CACNA2D3: variants seen among roughly 807,000 people sequenced by gnomAD.
CACNA2D3 encodes the protein voltage-dependent calcium channel subunit alpha-2/delta-3.
CACNA2D3 carries 60 observed loss-of-function variants against 160.6 expected under a neutral mutation model. The observed-to-expected ratio is 0.37, with a 90% confidence interval of 0.30 to 0.46. The LOEUF (loss-of-function observed/expected upper bound fraction) is 0.46, where lower values mean the gene tolerates loss of function less well. Ranked by LOEUF, CACNA2D3 falls within the 20% of genes least tolerant of loss-of-function variation. The pLI is 1.00. For missense variants in CACNA2D3, 1,205 were observed against 1,365.0 expected (o/e 0.88, Z 1.85); for synonymous variants, 558 against 492.9 (o/e 1.13, Z -1.75).
At chr3:54,381,152 C>G (rs1021467775) in intron 3 of CACNA2D3, among the ~76,000 whole-genome samples, 1 of 152,148 alleles carries the variant, frequency 6.6e-6, no homozygotes, top group Non-Finnish European at 1.5e-5. Context: ...AATTCCAACA[C>G]CCCATTTTAA....
intron 31 of CACNA2D3, among the ~76,000 whole-genome samples, chr3:54,997,424 C>T (rs549166524): frequency 7.2e-5 from 11 of 152,086 alleles, no homozygotes; most frequent in South Asian, 6.2e-4. Flanking sequence ...TACTTTGGCC[C>T]GGCTCAGTGA....
chr3:54,338,517 AT>A (rs1559454162), intron 3 of CACNA2D3, among the ~76,000 whole-genome samples: 1 of 98,364 alleles, frequency 1.0e-5, no homozygotes, highest in African/African-American at 3.8e-5. Flanking sequence ...GTGTGTATCT[AT>A]TTGGGTTAGG....
At chr3:54,988,281 C>T (rs1438349382) in intron 31 of CACNA2D3, among the ~76,000 whole-genome samples, 1 of 152,104 alleles carries the variant, frequency 6.6e-6, no homozygotes, top group Non-Finnish European at 1.5e-5. Context: ...TGCCAAATTC[C>T]ACAGGTGGCA....
chr3:54,691,526 A>G (rs1391485685), intron 11 of CACNA2D3, among the ~76,000 whole-genome samples: 3 of 152,208 alleles, frequency 2.0e-5, no homozygotes, highest in Admixed American at 1.3e-4. Flanking sequence ...TATTTAAATC[A>G]CTTGCCTAGA....
intron 14 of CACNA2D3, among the ~76,000 whole-genome samples, chr3:54,823,684 A>C (rs1173313348): frequency 2.6e-5 from 4 of 152,214 alleles, no homozygotes; most frequent in Non-Finnish European, 4.4e-5. Flanking sequence ...ATGTAAGAAA[A>C]TACATCATTT....
chr3:54,795,584 C>A (rs1375371126), intron 13 of CACNA2D3, among the ~76,000 whole-genome samples: 2 of 152,138 alleles, frequency 1.3e-5, no homozygotes, highest in East Asian at 3.9e-4. Flanking sequence ...CCTTAAAAAG[C>A]TTGTTTCTAA....
intron 9 of CACNA2D3, among the ~76,000 whole-genome samples, chr3:54,618,795 C>T (rs987819724): frequency 2.6e-5 from 4 of 152,210 alleles, no homozygotes; most frequent in East Asian, 3.9e-4. Flanking sequence ...CAGACGAGTG[C>T]GCTGGCACCC....
At chr3:54,675,452 T>C (rs1248991969) in intron 11 of CACNA2D3, among the ~76,000 whole-genome samples, 1 of 152,150 alleles carries the variant, frequency 6.6e-6, no homozygotes, top group Non-Finnish European at 1.5e-5. Context: ...CCTGACCTTT[T>C]CTGTTGACAG....
At chr3:54,834,786 G>A (rs554016220) in intron 14 of CACNA2D3, among the ~76,000 whole-genome samples, 1 of 152,326 alleles carries the variant, frequency 6.6e-6, no homozygotes, top group South Asian at 2.1e-4. Flanking sequence ...TTACACAATT[G>A]TGGGGCTGGC....
chr3:54,824,223 A>G (rs77558817), intron 14 of CACNA2D3, among the ~76,000 whole-genome samples: 1 of 152,228 alleles, frequency 6.6e-6, no homozygotes, highest in Non-Finnish European at 1.5e-5. Context: ...GCGATCTACC[A>G]ATCTTTAATC....
At chr3:54,922,366 A>G (rs1482699938) in intron 27 of CACNA2D3, among the ~76,000 whole-genome samples, 2 of 148,438 alleles carry the variant, frequency 1.3e-5, no homozygotes, top group Non-Finnish European at 3.0e-5. Context: ...AATGAAAACT[A>G]TCTTTCTGTG....
intron 12 of CACNA2D3, among the ~76,000 whole-genome samples, chr3:54,758,292 A>T (rs905990246): frequency 6.6e-6 from 1 of 152,024 alleles, no homozygotes; most frequent in East Asian, 1.9e-4. Context: ...TATTTTTAAC[A>T]TGGAGTTAGA....
rs542016254 is a variant in CACNA2D3 at position 54,376,157 on chromosome 3, C to G, written c.322-10558C>G. ...AGCCTAGCTCAACACCCTTGCCTAT[C>G]TGAGTCCCACTTGCCTGCCCTTTTG... On this transcript the variant is annotated intron_variant, in intron 3 of 37. Transcript: ENST00000474759. 2.0e-4 allele frequency among the ~76,000 whole-genome samples: 30 copies of G among 152,320 alleles called. 1 individual carries two copies. The South Asian group carries it at 6.0e-3, about 31-fold the overall frequency.
At chr3:55,049,247 T>C (rs1218591296) in intron 35 of CACNA2D3, among the ~76,000 whole-genome samples, 1 of 149,524 alleles carries the variant, frequency 6.7e-6, no homozygotes, top group Non-Finnish European at 1.5e-5. Context: ...TTTAGTGCTA[T>C]AAATTTCCCT....
intron 14 of CACNA2D3, among the ~76,000 whole-genome samples, chr3:54,834,524 A>C (rs1368763958): frequency 6.6e-6 from 1 of 152,186 alleles, no homozygotes; most frequent in African/African-American, 2.4e-5. Flanking sequence ...ACTATTACAG[A>C]CTGTATATAC....
Position 54,888,619 on chromosome 3 carries a change from A to G in CACNA2D3, c.2150+567A>G, listed in dbSNP as rs1699983449. Among the ~76,000 whole-genome samples the G allele has an allele frequency of 3.9e-5, 6 of 152,214 alleles. No homozygotes were observed. The South Asian group carries it at 1.2e-3, about 32-fold the overall frequency. ...ATTAAAGATTAAAAAGAAAAGGAAG[A>G]ACCATTCCTTTTCCCTTATATTTTC... is the stretch of plus-strand genomic sequence containing the variant. On this transcript the variant is annotated intron_variant, in intron 24 of 37. Coordinates refer to ENST00000474759, the MANE Select transcript of CACNA2D3 (RefSeq NM_018398.3).
chr3:54,575,640 T>A (rs1222255200), intron 8 of CACNA2D3, among the ~76,000 whole-genome samples: 1 of 152,118 alleles, frequency 6.6e-6, no homozygotes, highest in Admixed American at 6.5e-5. Flanking sequence ...CACAACACAG[T>A]GTGGCCAGTG....
chr3:54,697,575 C>T (rs1218469220), intron 11 of CACNA2D3, among the ~76,000 whole-genome samples: 1 of 152,180 alleles, frequency 6.6e-6, no homozygotes, highest in African/African-American at 2.4e-5. Context: ...ACCTCTTTTC[C>T]TCTCTCCTGT....
intron 2 of CACNA2D3, among the ~76,000 whole-genome samples, chr3:54,183,618 C>G (rs1398607671): frequency 1.3e-5 from 2 of 152,032 alleles, no homozygotes; most frequent in Non-Finnish European, 2.9e-5. Context: ...GGTACGGTAG[C>G]TCACGCTTGT....
Sources: gnomAD v4.1 joint callset for allele counts (sites outside exome capture counted in the v4.1 genomes callset) on GRCh38, gnomAD v4.1.1 for gene constraint, MANE v1.5 for transcripts, NCBI Gene and HGNC (gene_info 2026-07-23, HGNC 2026-07-21) for gene names.